The following SETBP1 variants were observed in gnomAD, a reference collection of about 807,000 sequenced individuals.
SETBP1 encodes SET binding protein 1.
SETBP1 carries 9 observed loss-of-function variants against 101.0 expected under a neutral mutation model. The ratio of observed to expected loss-of-function variants is 0.09; its 90% CI spans 0.05 to 0.16. The LOEUF (loss-of-function observed/expected upper bound fraction) is 0.16. Among genes scored for constraint, SETBP1 ranks in the 10% least tolerant of loss-of-function variants. The pLI is 1.00. For missense variants in SETBP1, 1,858 were observed against 2,033.8 expected (o/e 0.91, Z 1.66); for synonymous variants, 818 against 788.5 (o/e 1.04, Z -0.63).
chr18:44,688,572 C>T (rs1211105606), intron 1 of SETBP1, among the ~76,000 whole-genome samples: 3 of 151,810 alleles, frequency 2.0e-5, no homozygotes, highest in Non-Finnish European at 2.9e-5. Context: ...CCTGCCTCAG[C>T]CTCCCAAGTA....
At chr18:44,940,957 T>C (rs1005312867) in intron 3 of SETBP1, among the ~76,000 whole-genome samples, 3 of 152,128 alleles carry the variant, frequency 2.0e-5, no homozygotes, top group African/African-American at 7.2e-5. Flanking sequence ...TATTTTGTCA[T>C]CATTTTTAAA....
chr18:44,961,374 T>A (rs2071607804), intron 4 of SETBP1, among the ~76,000 whole-genome samples: 2 of 152,212 alleles, frequency 1.3e-5, no homozygotes, highest in Non-Finnish European at 2.9e-5. Context: ...GTATTTGATG[T>A]CTCATATGTT....
chr18:45,033,284 T>G (rs1407667980), intron 4 of SETBP1, among the ~76,000 whole-genome samples: 4 of 152,190 alleles, frequency 2.6e-5, no homozygotes, highest in Non-Finnish European at 5.9e-5. Context: ...TTGAATTAAG[T>G]CAAGAAACAT....
At chr18:45,013,402 C>G (rs769315199) in intron 4 of SETBP1, among the ~76,000 whole-genome samples, 1 of 152,076 alleles carries the variant, frequency 6.6e-6, no homozygotes, top group East Asian at 1.9e-4. Flanking sequence ...TTATATCTGA[C>G]TGTTTCTGAC....
At chr18:44,916,871 G>C (rs1454408839) in intron 3 of SETBP1, among the ~76,000 whole-genome samples, 1 of 152,114 alleles carries the variant, frequency 6.6e-6, no homozygotes, top group Non-Finnish European at 1.5e-5. Context: ...GTGGTATGAG[G>C]GATAACATAA....
intron 2 of SETBP1, among the ~76,000 whole-genome samples, chr18:44,787,860 CAAAAA>C (rs11399627): frequency 5.4e-4 from 5 of 9,218 alleles, no homozygotes; most frequent in East Asian, 3.3e-3. Context: ...GAGTCCGTCT[CAAAAA>C]AAAAAAAAAA....
Position 44,979,244 on chromosome 18 carries a change from G to A in SETBP1, c.4000+25904G>A, listed in dbSNP as rs115830970. 1.4e-3 allele frequency among the ~76,000 whole-genome samples: 206 copies of A among 152,282 alleles called. 1 individual carries two copies. The highest frequency in any genetic ancestry group is 4.5e-3 in the African/African-American group (188 of 41,548). On this transcript the variant is annotated intron_variant, in intron 4 of 5. Transcript: ENST00000649279. ...TTTGCAATCTGAGAGGTCAACTCCA[G>A]TATGTTTAAAAGTTTTGTGCTTTAA...
chr18:44,918,212 G>T (rs1017312312), intron 3 of SETBP1, among the ~76,000 whole-genome samples: 2 of 152,164 alleles, frequency 1.3e-5, no homozygotes, highest in Non-Finnish European at 2.9e-5. Context: ...TGCATTATCT[G>T]TGTTTACTTT....
chr18:44,692,845 A>G (rs1417817108), intron 1 of SETBP1, among the ~76,000 whole-genome samples: 1 of 152,176 alleles, frequency 6.6e-6, no homozygotes, highest in Non-Finnish European at 1.5e-5. Context: ...ATATACAGTA[A>G]TGCCCATCAG....
chr18:44,947,258 G>C (rs901979857), intron 3 of SETBP1, among the ~76,000 whole-genome samples: 1 of 151,842 alleles, frequency 6.6e-6, no homozygotes, highest in African/African-American at 2.4e-5. Context: ...GCCAGAACAC[G>C]AAAAAAACAT....
chr18:44,937,403 C>G (rs921556322), intron 3 of SETBP1, among the ~76,000 whole-genome samples: 1 of 143,332 alleles, frequency 7.0e-6, no homozygotes, highest in Non-Finnish European at 1.5e-5. Context: ...TGCAGTGAGC[C>G]GAGATCCCGC....
intron 2 of SETBP1, among the ~76,000 whole-genome samples, chr18:44,771,151 C>T (rs1457537598): frequency 6.6e-6 from 1 of 151,714 alleles, no homozygotes; most frequent in Non-Finnish European, 1.5e-5. Context: ...TCCCAGGATC[C>T]ACTCCAGATC....
chr18:44,698,910 G>A (rs1240932591), intron 1 of SETBP1, among the ~76,000 whole-genome samples: 1 of 151,906 alleles, frequency 6.6e-6, no homozygotes, highest in African/African-American at 2.4e-5. Flanking sequence ...ACTTTGTCTT[G>A]TACACGTAGT....
intron 2 of SETBP1, among the ~76,000 whole-genome samples, chr18:44,747,651 A>G (rs528128989): frequency 1.3e-4 from 20 of 152,370 alleles, no homozygotes; most frequent in African/African-American, 4.6e-4. Context: ...GAAAGTCAGT[A>G]TTTTACAATA....
chr18:44,762,620 C>T (rs1448802040), intron 2 of SETBP1, among the ~76,000 whole-genome samples: 3 of 152,076 alleles, frequency 2.0e-5, no homozygotes, highest in Non-Finnish European at 4.4e-5. Context: ...AGATATGGGT[C>T]AAGAGTTTCC....
At chr18:44,778,849 T>C (rs2071062515) in intron 2 of SETBP1, among the ~76,000 whole-genome samples, 1 of 152,218 alleles carries the variant, frequency 6.6e-6, no homozygotes, top group East Asian at 1.9e-4. Flanking sequence ...TGCAGGAAAC[T>C]GCCTGCCAAG....
intron 3 of SETBP1, among the ~76,000 whole-genome samples, chr18:44,948,192 T>C (rs767279075): frequency 6.6e-6 from 1 of 152,192 alleles, no homozygotes; most frequent in Non-Finnish European, 1.5e-5. Context: ...AAAATTAAAT[T>C]GTTTTCTTAA....
intron 5 of SETBP1, among the ~76,000 whole-genome samples, chr18:45,049,103 G>A (rs1296349461): frequency 6.6e-6 from 1 of 150,820 alleles, no homozygotes. Context: ...TAAATGAATA[G>A]ATCGAATAAC....
intron 5 of SETBP1, among the ~76,000 whole-genome samples, chr18:45,042,828 C>T (rs552031069): frequency 6.6e-6 from 1 of 152,188 alleles, no homozygotes; most frequent in South Asian, 2.1e-4. Context: ...TTGTGAGCTA[C>T]TGGGAGGGAG....
Sources: allele counts gnomAD v4.1 joint callset (sites outside exome capture counted in the v4.1 genomes callset), GRCh38; gene constraint gnomAD v4.1.1; transcripts MANE v1.5; gene names NCBI Gene and HGNC (gene_info 2026-07-23, HGNC 2026-07-21).